DLG2: variants seen among roughly 807,000 people sequenced by gnomAD.
DLG2 encodes discs large MAGUK scaffold protein 2, also known as disks large homolog 2.
DLG2 carries 45 observed loss-of-function variants against 132.5 expected under a neutral mutation model. That is an observed-to-expected ratio of 0.34 (90% CI 0.27 to 0.44). DLG2 has a LOEUF of 0.44. Ranked by LOEUF, DLG2 falls within the 20% of genes least tolerant of loss-of-function variation. DLG2 has a pLI of 1.00. For synonymous variants in DLG2, 424 were observed against 419.6 expected, an observed-to-expected ratio of 1.01 and a Z score of -0.13; for missense variants, 1,045 against 1,196.9, an observed-to-expected ratio of 0.87 and a Z score of 1.87.
chr11:85,249,999 A>G (rs1356337019), intron 4 of DLG2, among the ~76,000 whole-genome samples: 2 of 152,222 alleles, frequency 1.3e-5, no homozygotes, highest in Non-Finnish European at 2.9e-5. Context: ...ACTCTGGTGT[A>G]AGGCAGAGAT....
chr11:83,660,088 G>C (rs1340688127), intron 18 of DLG2, among the ~76,000 whole-genome samples: 1 of 152,194 alleles, frequency 6.6e-6, no homozygotes, highest in Non-Finnish European at 1.5e-5. Context: ...AGGGTAAATA[G>C]AGGGTCATAC....
chr11:84,186,770 G>T lies in DLG2; in HGVS notation c.574-23259C>A, dbSNP rs190809516. ...AACAGTATATTTATATAATCAATTT[G>T]CCAAAATTATCAGCTTCAATAAACT... On this transcript the variant is annotated intron_variant, in intron 8 of 27. Coordinates refer to ENST00000376104, the MANE Select transcript of DLG2 (RefSeq NM_001142699.3). Among the ~76,000 whole-genome samples, 7 of 151,974 alleles carry T rather than the reference G, an allele frequency of 4.6e-5. No individual in the cohort carries two copies. In the East Asian group the frequency reaches 9.7e-4, roughly 21 times the overall value.
At chr11:85,167,090 A>G (rs2078507579) in intron 4 of DLG2, among the ~76,000 whole-genome samples, 1 of 152,164 alleles carries the variant, frequency 6.6e-6, no homozygotes, top group Non-Finnish European at 1.5e-5. Context: ...CATCATGTAC[A>G]AAATCTGTGT....
At chr11:83,700,270 T>C (rs1333448193) in intron 18 of DLG2, among the ~76,000 whole-genome samples, 1 of 151,756 alleles carries the variant, frequency 6.6e-6, no homozygotes, top group Non-Finnish European at 1.5e-5. Context: ...TGAGAAAGAG[T>C]GGGAAGGAGC....
intron 6 of DLG2, among the ~76,000 whole-genome samples, chr11:84,659,352 G>A (rs2099691988): frequency 6.6e-6 from 1 of 151,956 alleles, no homozygotes. Flanking sequence ...CTGCTATAAT[G>A]CCTTTTCAAG....
In DLG2 at chr11:84,549,534, G is replaced by A. The variant is rs1159802872; in HGVS notation, c.358-14803C>T. ...AGCGATGCAAATTCCCTGCAGCTCAGTTCCTGGGTTTAAATCCTGTTCCTG... is the reference window on the plus strand; with the variant it reads ...AGCGATGCAAATTCCCTGCAGCTCAATTCCTGGGTTTAAATCCTGTTCCTG... On this transcript the variant is annotated intron_variant, in intron 6 of 27. Transcript: ENST00000376104. 2.6e-5 allele frequency among the ~76,000 whole-genome samples: 4 copies of A among 152,162 alleles called. No homozygotes were observed. In the East Asian group the frequency reaches 5.8e-4, roughly 22 times the overall value.
intron 7 of DLG2, among the ~76,000 whole-genome samples, chr11:84,256,758 T>C (rs1203383324): frequency 6.6e-6 from 1 of 152,140 alleles, no homozygotes; most frequent in Non-Finnish European, 1.5e-5. Flanking sequence ...GGCATGACAT[T>C]TTGAAACAAA....
intron 6 of DLG2, among the ~76,000 whole-genome samples, chr11:84,560,681 G>A (rs2099425776): frequency 6.6e-6 from 1 of 151,992 alleles, no homozygotes; most frequent in Non-Finnish European, 1.5e-5. Flanking sequence ...ATTTTATCTG[G>A]CCATCCATAG....
intron 6 of DLG2, among the ~76,000 whole-genome samples, chr11:85,089,178 A>G (rs1000751223): frequency 1.3e-5 from 2 of 151,942 alleles, no homozygotes; most frequent in African/African-American, 4.8e-5. Context: ...CAGGTATGTT[A>G]CATGCATATA....
intron 3 of DLG2, among the ~76,000 whole-genome samples, chr11:85,495,358 G>A (rs1439674712): frequency 1.3e-5 from 2 of 152,072 alleles, no homozygotes; most frequent in Non-Finnish European, 2.9e-5. Context: ...CCTACAGAAT[G>A]GGAGAAAATT....
chr11:83,578,474 G>C (rs1253070974), intron 19 of DLG2, among the ~76,000 whole-genome samples: 1 of 151,982 alleles, frequency 6.6e-6, no homozygotes, highest in East Asian at 1.9e-4. Flanking sequence ...CTGTTTGTTA[G>C]ACCGGATAAA....
chr11:84,432,653 T>C (rs2098988106), intron 7 of DLG2, among the ~76,000 whole-genome samples: 1 of 152,198 alleles, frequency 6.6e-6, no homozygotes, highest in Non-Finnish European at 1.5e-5. Context: ...TAGTTTATCC[T>C]CCATTTTAGT....
rs571404799 is a variant in DLG2 at position 84,063,636 on chromosome 11, T to A, written c.750-4152A>T. ...GGGTATATACCCAAAGGATTATAAATCATGCTGCTATAAAGACACATGCAC... is the reference window on the plus strand; with the variant it reads ...GGGTATATACCCAAAGGATTATAAAACATGCTGCTATAAAGACACATGCAC... On this transcript the variant is annotated intron_variant, in intron 10 of 27. Coordinates refer to ENST00000376104, the MANE Select transcript of DLG2 (RefSeq NM_001142699.3). Among the ~76,000 whole-genome samples the A allele has an allele frequency of 1.7e-4, 26 of 152,280 alleles. 1 individual carries two copies. The highest frequency in any genetic ancestry group is 4.6e-4 in the Admixed American group (7 of 15,302).
intron 16 of DLG2, among the ~76,000 whole-genome samples, chr11:83,845,941 T>G (rs2058534805): frequency 1.3e-5 from 2 of 152,354 alleles, no homozygotes; most frequent in South Asian, 4.1e-4. Context: ...AGCAAGTGCT[T>G]GGTAAATGCT....
At chr11:83,490,927 G>A (rs975872342) in intron 21 of DLG2, among the ~76,000 whole-genome samples, 70 of 151,692 alleles carry the variant, frequency 4.6e-4, no homozygotes, top group African/African-American at 1.6e-3. Flanking sequence ...TCAATTCAGC[G>A]GATTATACCA....
intron 3 of DLG2, among the ~76,000 whole-genome samples, chr11:85,309,208 T>C (rs747143184): frequency 2.0e-5 from 3 of 151,906 alleles, no homozygotes; most frequent in Non-Finnish European, 4.4e-5. Flanking sequence ...TCAATCCACC[T>C]GCAAAAAAAA....
At chr11:85,408,607 T>A (rs1420391635) in intron 3 of DLG2, among the ~76,000 whole-genome samples, 1 of 143,656 alleles carries the variant, frequency 7.0e-6, no homozygotes. Flanking sequence ...CCATGTGTTC[T>A]CATTGTTCAA....
At chr11:83,992,899 G>T (rs879494377) in intron 11 of DLG2, among the ~76,000 whole-genome samples, 1 of 152,152 alleles carries the variant, frequency 6.6e-6, no homozygotes, top group Non-Finnish European at 1.5e-5. Context: ...GTCAGAGAAT[G>T]AAGAAATCAC....
At chr11:85,266,822 A>T (rs2077241708) in intron 4 of DLG2, among the ~76,000 whole-genome samples, 1 of 152,204 alleles carries the variant, frequency 6.6e-6, no homozygotes, top group African/African-American at 2.4e-5. Flanking sequence ...ATGAAGAAAC[A>T]TTTGCTTCAC....
Sources: gnomAD v4.1 joint callset for allele counts (sites outside exome capture counted in the v4.1 genomes callset) on GRCh38, gnomAD v4.1.1 for gene constraint, MANE v1.5 for transcripts, NCBI Gene and HGNC (gene_info 2026-07-23, HGNC 2026-07-21) for gene names.